PRSS38: variants seen among roughly 807,000 people sequenced by gnomAD.
The protein encoded by PRSS38 is serine protease 38, also known as marapsin 2.
Under a neutral mutation model 26.8 loss-of-function variants are expected in PRSS38, and 22 were observed. The ratio of observed to expected loss-of-function variants is 0.82; its 90% CI spans 0.59 to 1.17. PRSS38 has a LOEUF of 1.17. Ranked by LOEUF, PRSS38 falls within the 50% of genes most tolerant of loss-of-function variation. The pLI is 0.00. For synonymous variants in PRSS38, 175 were observed against 172.1 expected (o/e 1.02, Z -0.13); for missense variants, 427 against 422.7 (o/e 1.01, Z -0.09).
At chr1:227,827,642 G>T (rs1421503429) in intron 3 of PRSS38, among the ~76,000 whole-genome samples, 1 of 134,432 alleles carries the variant, frequency 7.4e-6, no homozygotes, top group Non-Finnish European at 1.7e-5. Flanking sequence ...TAGAAAACCA[G>T]CTTCTGAATT....
intron 3 of PRSS38, among the ~76,000 whole-genome samples, chr1:227,823,574 C>T (rs1026039759): frequency 6.6e-6 from 1 of 152,140 alleles, no homozygotes; most frequent in African/African-American, 2.4e-5. Flanking sequence ...GTGGATTCCT[C>T]ATGAATGGCT....
chr1:227,832,482 C>T (rs1665167075), intron 3 of PRSS38, among the ~76,000 whole-genome samples: 1 of 152,116 alleles, frequency 6.6e-6, no homozygotes, highest in Admixed American at 6.5e-5. Context: ...GTTTTCTAAA[C>T]AGTGGTTGTA....
In PRSS38 at chr1:227,817,420, G is replaced by C. The variant is rs745841682; in HGVS notation, c.523G>C (p.Glu175Gln). 8 of 1,614,084 alleles carry C rather than the reference G, an allele frequency of 5.0e-6. 1 individual carries two copies. The highest frequency in any genetic ancestry group is 1.7e-5 in the Admixed American group (1 of 60,012). Residue 175 changes from glutamate to glutamine, a missense_variant, in exon 3 of 5, where the codon GAA (glutamate) becomes CAA (glutamine). Glu to Gln is a conservative substitution (Grantham distance 29). Transcript: ENST00000366757. ...GCTCCCGGTTTGCCTTGCAACTCCA[G>C]AAGTGAACCTTACCAGTGCCAATTG... is the stretch of plus-strand genomic sequence containing the variant.
Position 227,846,164 on chromosome 1 carries a change from C to G in PRSS38, c.937C>G (p.Leu313Val), listed in dbSNP as rs761765800. Reference sequence around the variant, plus strand: ...TCTCTCTCCAGCTCTGGGGCCCACTCTCAGCGTCCTAATGGCCATGCTGGC... The same window carrying G: ...TCTCTCTCCAGCTCTGGGGCCCACTGTCAGCGTCCTAATGGCCATGCTGGC... Residue 313 changes from leucine to valine, a missense_variant, in exon 5 of 5, where the codon CTC becomes GTC. By Grantham distance (32) the Leu-to-Val change is conservative. Transcript: ENST00000366757. The G allele has an allele frequency of 1.9e-6, 3 of 1,613,212 alleles. No homozygotes were observed. In the Admixed American group the frequency reaches 5.0e-5, roughly 27 times the overall value.
intron 3 of PRSS38, among the ~76,000 whole-genome samples, chr1:227,837,681 A>G (rs1311686438): frequency 6.6e-6 from 1 of 152,176 alleles, no homozygotes; most frequent in Non-Finnish European, 1.5e-5. Context: ...ACACGTTTCT[A>G]AAGTGGTCAT....
At chr1:227,818,071 T>C (rs1192911027) in intron 3 of PRSS38, among the ~76,000 whole-genome samples, 2 of 152,178 alleles carry the variant, frequency 1.3e-5, no homozygotes, top group South Asian at 4.1e-4. Flanking sequence ...ATTTTATCAC[T>C]CTCTTCCCAT....
At chr1:227,845,252 G>A (rs1370276709) in intron 3 of PRSS38, among the ~76,000 whole-genome samples, 1 of 149,578 alleles carries the variant, frequency 6.7e-6, no homozygotes, top group African/African-American at 2.5e-5. Flanking sequence ...CCTATGTATA[G>A]TGGAGCTCCT....
Position 227,816,111 on chromosome 1 carries a change from A to C in PRSS38, c.170A>C (p.Glu57Ala). The C allele has an allele frequency of 1.2e-6, 2 of 1,613,036 alleles. No individual in the cohort carries two copies. The highest frequency in any genetic ancestry group is 1.7e-6 in the Non-Finnish European group (2 of 1,179,698). Residue 57 changes from glutamate (E) to alanine (A), a missense_variant, in exon 2 of 5, where the codon GAG becomes GCG. Glu to Ala is a moderately radical substitution (Grantham distance 107). Coordinates refer to ENST00000366757, the Ensembl canonical transcript of PRSS38. This position sits in a 1 kb window ranked among gnomAD's most constrained non-coding sequence, Gnocchi z 5.1. ...GCAGCCTGTGGTCGGCCCAGCATGG[A>C]GGGGAAAATCCTGGGCGGCGTCCCT... is the stretch of plus-strand genomic sequence containing the variant.
chr1:227,840,339 T>C (rs1262329394), intron 3 of PRSS38, among the ~76,000 whole-genome samples: 1 of 151,998 alleles, frequency 6.6e-6, no homozygotes, highest in Non-Finnish European at 1.5e-5. Flanking sequence ...CCCAGGCTGG[T>C]CTCGAACTCC....
chr1:227,816,001 G>A lies in PRSS38; in HGVS notation c.149-89G>A, dbSNP rs145215962. ...GTCCCCTGCCTTCCCTTCCTCCTGTGTCCCCTGCCCCTCCCCCACGTCCCC... is the reference window on the plus strand; with the variant it reads ...GTCCCCTGCCTTCCCTTCCTCCTGTATCCCCTGCCCCTCCCCCACGTCCCC... On this transcript the variant is annotated intron_variant, in intron 1 of 4. Coordinates refer to ENST00000366757, the Ensembl canonical transcript of PRSS38. This position sits in a 1 kb window ranked among gnomAD's most constrained non-coding sequence, Gnocchi z 5.1. 38 of 1,481,198 alleles carry A rather than the reference G, an allele frequency of 2.6e-5. No individual in the cohort carries two copies. Among genetic ancestry groups the A allele is most frequent in the Middle Eastern group, 2.3e-4 (1 of 4,436 alleles). 91.8% of individuals were successfully genotyped at this position (1,481,198 alleles called of 1,614,324 possible).
exon 1 of PRSS38, chr1:227,815,850 T>C (rs751934201): frequency 1.9e-6 from 3 of 1,607,354 alleles, no homozygotes; most frequent in East Asian, 2.2e-5. Context: ...GGAATCTCCC[T>C]AACTGGCAGC....
chr1:227,827,150 T>C (rs1665085393), intron 3 of PRSS38, among the ~76,000 whole-genome samples: 1 of 152,156 alleles, frequency 6.6e-6, no homozygotes, highest in Non-Finnish European at 1.5e-5. Flanking sequence ...TTGTGGTCAT[T>C]GTAGTATCTC....
chr1:227,821,287 A>C (rs944488365), intron 3 of PRSS38, among the ~76,000 whole-genome samples: 1 of 151,968 alleles, frequency 6.6e-6, no homozygotes, highest in African/African-American at 2.4e-5. Flanking sequence ...TCTATCATTG[A>C]TGGGCATTTA....
At chr1:227,840,781 C>T (rs980625110) in intron 3 of PRSS38, among the ~76,000 whole-genome samples, 5 of 152,164 alleles carry the variant, frequency 3.3e-5, no homozygotes, top group South Asian at 2.1e-4. Context: ...ACTTGGCTTT[C>T]GTCATTCAGC....
chr1:227,838,665 T>C (rs931592016), intron 3 of PRSS38, among the ~76,000 whole-genome samples: 7 of 152,212 alleles, frequency 4.6e-5, no homozygotes, highest in Admixed American at 4.6e-4. Flanking sequence ...TGCCAGGATG[T>C]CTTAAGCTAC....
intron 3 of PRSS38, among the ~76,000 whole-genome samples, chr1:227,843,735 A>C (rs1274660627): frequency 6.6e-6 from 1 of 150,546 alleles, no homozygotes; most frequent in African/African-American, 2.5e-5. Context: ...CAAACAAAAA[A>C]CCAACCAAGC....
Position 227,819,093 on chromosome 1 carries a change from C to A in PRSS38, c.583+1613C>A, listed in dbSNP as rs1474613679. ...GCTCTTATTATTACTTTTCTGACTT[C>A]TCTTAATTCCTTATCATAGTTGCCA... is the stretch of plus-strand genomic sequence containing the variant. On this transcript the variant is annotated intron_variant, in intron 3 of 4. Coordinates refer to ENST00000366757, the Ensembl canonical transcript of PRSS38. Among the ~76,000 whole-genome samples the A allele has an allele frequency of 2.0e-5, 3 of 152,214 alleles. No individual in the cohort carries two copies. In the South Asian group the frequency reaches 6.2e-4, roughly 32 times the overall value.
At chr1:227,845,144 GGGCTCCTCCCTGTGTGTGGTGA>G (rs1558239098) in intron 3 of PRSS38, among the ~76,000 whole-genome samples, 1 of 144,072 alleles carries the variant, frequency 6.9e-6, no homozygotes, top group Non-Finnish European at 1.5e-5. Flanking sequence ...ATGCGTGGTG[GGGCTCCTCCCTGTGTGTGGTGA>G]GGCTCCTCCC....
chr1:227,831,512 A>G (rs1665152931), intron 3 of PRSS38, among the ~76,000 whole-genome samples: 1 of 152,168 alleles, frequency 6.6e-6, no homozygotes, highest in Non-Finnish European at 1.5e-5. Flanking sequence ...AATTTTTATA[A>G]GTCACAGGTC....
Sources: gnomAD v4.1 joint callset for allele counts (sites outside exome capture counted in the v4.1 genomes callset) on GRCh38, gnomAD v4.1.1 for gene constraint, Gnocchi (gnomAD v3.1) non-coding constraint, MANE v1.5 for transcripts, NCBI Gene and HGNC (gene_info 2026-07-23, HGNC 2026-07-21) for gene names.